Variants in STYK1 observed in about 807,000 individuals in gnomAD.
STYK1 encodes tyrosine-protein kinase STYK1.
A neutral mutation model predicts 48.1 loss-of-function variants in STYK1; 46 were observed. The ratio of observed to expected loss-of-function variants is 0.96; its 90% CI spans 0.75 to 1.22. The LOEUF (loss-of-function observed/expected upper bound fraction) is 1.22, where lower values mean the gene tolerates loss of function less well. STYK1 is among the 50% of genes most tolerant of loss of function. STYK1 has a pLI of 0.00. For synonymous variants in STYK1, 188 were observed against 189.0 expected, an observed-to-expected ratio of 0.99 and a Z score of 0.04; for missense variants, 527 against 521.1, an observed-to-expected ratio of 1.01 and a Z score of -0.11.
Position 10,627,732 on chromosome 12 carries a change from G to T in STYK1, c.634-8C>A, listed in dbSNP as rs375375218. On this transcript the variant is annotated splice_region_variant and splice_polypyrimidine_tract_variant and intron_variant, in intron 6 of 10. Transcript: ENST00000075503. ...ATCCATAGTCATCACATCCTAAAGA[G>T]ACAGGGAAAAAAAGCCATTATATCA... 5 of 1,597,630 alleles carry T rather than the reference G, an allele frequency of 3.1e-6. No homozygotes were observed. The African/African-American group carries it at 5.4e-5, about 17-fold the overall frequency.
intron 2 of STYK1, among the ~76,000 whole-genome samples, chr12:10,636,686 C>A (rs1186743396): frequency 2.6e-5 from 4 of 152,138 alleles, no homozygotes; most frequent in African/African-American, 7.2e-5. Flanking sequence ...TCTTATTTTC[C>A]TTTCCTTTGC....
chr12:10,620,364 G>T lies in STYK1; in HGVS notation c.1065-16C>A. On this transcript the variant is annotated splice_polypyrimidine_tract_variant and intron_variant, in intron 10 of 10. Transcript: ENST00000075503. ...GATACTGTACCTGAGAGGGAAACAAGAGAAACTGACTTCCTTGACAAGGCA... is the reference window on the plus strand; with the variant it reads ...GATACTGTACCTGAGAGGGAAACAATAGAAACTGACTTCCTTGACAAGGCA... The T allele has an allele frequency of 6.2e-7, 1 of 1,611,192 alleles. No individual in the cohort carries two copies. Among genetic ancestry groups the T allele is most frequent in the South Asian group, 1.1e-5 (1 of 90,922 alleles).
chr12:10,633,880 A>G lies in STYK1; in HGVS notation c.187+110T>C, dbSNP rs111651710. 1.7e-5 allele frequency: 23 copies of G among 1,349,468 alleles called. 1 individual carries two copies. In the African/African-American group the frequency reaches 3.2e-4, roughly 19 times the overall value. 83.6% of individuals were successfully genotyped at this position (1,349,468 alleles called of 1,614,324 possible). On this transcript the variant is annotated intron_variant, in intron 4 of 10. Coordinates refer to ENST00000075503, the MANE Select transcript of STYK1 (RefSeq NM_018423.3). ...ATGGGAGGGAACCCATGCCTCTCTCATTGCAGGTACCTAGACTTCTAGACA... is the reference window on the plus strand; with the variant it reads ...ATGGGAGGGAACCCATGCCTCTCTCGTTGCAGGTACCTAGACTTCTAGACA...
At chr12:10,630,038 AGAGAGAGAGAGAGAGAGAGAGAGAGAGAG>A in intron 5 of STYK1, among the ~76,000 whole-genome samples, 1 of 458 alleles carries the variant, frequency 2.2e-3, no homozygotes, top group Non-Finnish European at 0.031. Flanking sequence ...AAGAGGAGAG[AGAGAGAGAGAGAGAGAGAGAGAGAGAGAG>A]AGAGAGAGAG....
At chr12:10,649,642 T>A (rs1157959712) in intron 1 of STYK1, among the ~76,000 whole-genome samples, 1 of 152,206 alleles carries the variant, frequency 6.6e-6, no homozygotes, top group Non-Finnish European at 1.5e-5. Flanking sequence ...AATTAAGCCT[T>A]AGTTATTTTA....
chr12:10,638,712 G>A (rs532313410), intron 1 of STYK1, among the ~76,000 whole-genome samples: 179 of 152,264 alleles, frequency 1.2e-3, no homozygotes, highest in Non-Finnish European at 1.9e-3. Context: ...TGACTTTCCA[G>A]AGTAAACTTT....
chr12:10,654,067 T>G (rs919687310), intron 1 of STYK1, among the ~76,000 whole-genome samples: 20 of 152,306 alleles, frequency 1.3e-4, no homozygotes, highest in Admixed American at 9.8e-4. Flanking sequence ...TGACCTCTGG[T>G]CATCCTCACT....
chr12:10,625,691 A>T (rs1389855803), intron 7 of STYK1, among the ~76,000 whole-genome samples: 1 of 152,234 alleles, frequency 6.6e-6, no homozygotes, highest in East Asian at 1.9e-4. Context: ...CCACAGAGTT[A>T]TTAAGCAGTA....
At chr12:10,665,502 CCA>C (rs1239456671) in intron 1 of STYK1, among the ~76,000 whole-genome samples, 12 of 152,178 alleles carry the variant, frequency 7.9e-5, no homozygotes, top group Non-Finnish European at 1.3e-4. Flanking sequence ...GATGCTCTTC[CCA>C]CTACACTTTC....
At chr12:10,622,741 T>C in intron 8 of STYK1, 63 bp from the exon 9 acceptor site, 2 of 1,597,628 alleles carry the variant, frequency 1.3e-6, no homozygotes, top group South Asian at 1.1e-5. Context: ...AGAGCTCATT[T>C]AAGTGTCAGA....
intron 1 of STYK1, among the ~76,000 whole-genome samples, chr12:10,664,832 T>A (rs1488522123): frequency 6.6e-6 from 1 of 152,262 alleles, no homozygotes; most frequent in Non-Finnish European, 1.5e-5. Context: ...ACTCCTTTTT[T>A]TCTAATGCTG....
At chr12:10,663,903 T>C (rs994844614) in intron 1 of STYK1, among the ~76,000 whole-genome samples, 1 of 152,250 alleles carries the variant, frequency 6.6e-6, no homozygotes, top group Non-Finnish European at 1.5e-5. Context: ...ATACTTGGGA[T>C]GTTTTGTAGT....
At position 10,672,056 on chromosome 12, in the gene STYK1, T is replaced by C. The variant is rs1350022381; in HGVS notation, c.-195+1910A>G. On this transcript the variant is annotated intron_variant, in intron 1 of 10. Coordinates refer to ENST00000075503, the MANE Select transcript of STYK1 (RefSeq NM_018423.3). The surrounding 1 kb of genome is among the most constrained non-coding windows in gnomAD (Gnocchi z 4.0). The stretch of plus-strand genomic sequence containing the variant: ...CCTAATCCAATAAGACTAGTGTCCT[T>C]ATAAAAAGGGGAAATTCAGAGACAT... Among the ~76,000 whole-genome samples the C allele has an allele frequency of 6.6e-6, 1 of 152,120 alleles. No individual in the cohort carries two copies. Among genetic ancestry groups the C allele is most frequent in the African/African-American group, 2.4e-5 (1 of 41,406 alleles).
intron 3 of STYK1, 146 bp downstream of exon 3, chr12:10,634,421 G>C (rs1188510543): frequency 1.1e-6 from 1 of 910,026 alleles, no homozygotes; most frequent in African/African-American, 1.7e-5. Flanking sequence ...TCCCCAAAAA[G>C]ACAATGGCCT....
chr12:10,633,206 C>A (rs1473319505), intron 4 of STYK1, among the ~76,000 whole-genome samples: 1 of 152,126 alleles, frequency 6.6e-6, no homozygotes, highest in Admixed American at 6.5e-5. Context: ...GATCATTGGA[C>A]TTTTCAATGC....
Position 10,634,571 on chromosome 12 carries a change from C to A in STYK1, c.48G>T (p.Leu16Phe). 6.2e-7 allele frequency: 1 copy of A among 1,614,074 alleles called. No homozygotes were observed. Among genetic ancestry groups the A allele is most frequent in the Non-Finnish European group, 8.5e-7 (1 of 1,179,990 alleles). ...ATCTGTGGAATCCGTACTTACCACACAACTTGTCACTGAGACTGCATTCCA... is the reference window on the plus strand; with the variant it reads ...ATCTGTGGAATCCGTACTTACCACAAAACTTGTCACTGAGACTGCATTCCA... ...MLLECSLSDK[L>F]CVIQEKQYEV... The change falls in exon 3 of 11, where the codon TTG becomes TTT. Residue 16 changes from leucine to phenylalanine, a missense_variant. Transcript: ENST00000075503.
chr12:10,629,723 TGAGTGG>T, intron 5 of STYK1, 49 bp from the exon 6 acceptor site: 1 of 1,609,116 alleles, frequency 6.2e-7, no homozygotes, highest in Non-Finnish European at 8.5e-7. Context: ...GCATCCTCGA[TGAGTGG>T]GAGGCAGGGA....
intron 4 of STYK1, among the ~76,000 whole-genome samples, chr12:10,632,044 T>C (rs1947434854): frequency 6.6e-6 from 1 of 151,740 alleles, no homozygotes; most frequent in African/African-American, 2.4e-5. Context: ...ATTAATGTTG[T>C]GGAGGAAAAT....
chr12:10,629,368 T>C, intron 6 of STYK1, 125 bp downstream of exon 6: 1 of 951,394 alleles, frequency 1.1e-6, no homozygotes, highest in Admixed American at 2.4e-5. Flanking sequence ...ATGGTCATAC[T>C]CCCTTATTCT....
Sources: allele counts gnomAD v4.1 joint callset (sites outside exome capture counted in the v4.1 genomes callset), GRCh38; gene constraint gnomAD v4.1.1; non-coding constraint Gnocchi (gnomAD v3.1); transcripts MANE v1.5; gene names NCBI Gene and HGNC (gene_info 2026-07-23, HGNC 2026-07-21).